FIG4: variants seen among roughly 807,000 people sequenced by gnomAD.
The protein encoded by FIG4 is polyphosphoinositide phosphatase.
FIG4 carries 112 observed loss-of-function variants against 118.6 expected under a neutral mutation model. That is an observed-to-expected ratio of 0.94 (90% CI 0.81 to 1.11). The LOEUF is 1.11. Ranked by LOEUF, FIG4 falls within the 50% of genes least tolerant of loss-of-function variation. The pLI, the probability that FIG4 is intolerant of heterozygous loss-of-function variation, is 0.00. For synonymous variants in FIG4, 369 were observed against 381.2 expected (o/e 0.97, Z 0.37); for missense variants, 969 against 1,111.7 (o/e 0.87, Z 1.83).
intron 15 of FIG4, among the ~76,000 whole-genome samples, chr6:109,768,996 C>A (rs1360514475): frequency 6.6e-6 from 1 of 152,148 alleles, no homozygotes; most frequent in African/African-American, 2.4e-5. Context: ...ACGTACATAT[C>A]CCTCAGGGTG....
rs1776060344 is a variant in FIG4 at position 109,733,212 on chromosome 6, A to G, written c.497+525A>G. Among the ~76,000 whole-genome samples the G allele has an allele frequency of 2.0e-5, 3 of 152,262 alleles. No individual in the cohort carries two copies. In the South Asian group the frequency reaches 6.2e-4, roughly 32 times the overall value. The stretch of plus-strand genomic sequence containing the variant: ...ACCAGGAGCAAAAATACAACTCTCC[A>G]TTGGTAAAGAGACATTTATTGCTTC... On this transcript the variant is annotated intron_variant, in intron 5 of 22. Transcript: ENST00000230124.
chr6:109,744,412 C>T (rs971100677), intron 10 of FIG4, among the ~76,000 whole-genome samples: 1 of 151,934 alleles, frequency 6.6e-6, no homozygotes, highest in Non-Finnish European at 1.5e-5. Flanking sequence ...GTTTTATCTG[C>T]ATCTGTTGCA....
chr6:109,775,534 C>T (rs901545445), intron 15 of FIG4, among the ~76,000 whole-genome samples: 1 of 152,038 alleles, frequency 6.6e-6, no homozygotes, highest in Non-Finnish European at 1.5e-5. Flanking sequence ...TGAGGTACTA[C>T]GTAGAATGAA....
chr6:109,733,479 G>A (rs1459847689), intron 5 of FIG4, among the ~76,000 whole-genome samples: 1 of 152,028 alleles, frequency 6.6e-6, no homozygotes, highest in Non-Finnish European at 1.5e-5. Context: ...ACTAAAGGAG[G>A]ACCTAGAGCA....
At chr6:109,756,579 A>G (rs533414158) in intron 10 of FIG4, among the ~76,000 whole-genome samples, 1 of 152,214 alleles carries the variant, frequency 6.6e-6, no homozygotes, top group Non-Finnish European at 1.5e-5. Context: ...TACACCAATC[A>G]GAGCAGATTT....
At chr6:109,784,837 T>C in intron 16 of FIG4, 133 bp from the exon 17 acceptor site, 1 of 518,376 alleles carries the variant, frequency 1.9e-6, no homozygotes, top group Non-Finnish European at 3.4e-6. Flanking sequence ...TGCAAACATG[T>C]TTTAAAAAGA....
rs569263628 is a variant in FIG4 at position 109,773,356 on chromosome 6, A to T, written c.1751-3566A>T. Among the ~76,000 whole-genome samples the T allele has an allele frequency of 3.9e-5, 6 of 152,280 alleles. No individual in the cohort carries two copies. The South Asian group carries it at 1.2e-3, about 32-fold the overall frequency. On this transcript the variant is annotated intron_variant, in intron 15 of 22. Coordinates refer to ENST00000230124, the MANE Select transcript of FIG4 (RefSeq NM_014845.6). ...TAGGGAGCAAAGGTCTTGGGGGCCAAATTTCTTCCTACCACAGAAATCTAA... is the reference window on the plus strand; with the variant it reads ...TAGGGAGCAAAGGTCTTGGGGGCCATATTTCTTCCTACCACAGAAATCTAA...
intron 13 of FIG4, 55 bp from the exon 14 acceptor site, chr6:109,764,958 G>A (rs931966411): frequency 7.3e-5 from 109 of 1,492,548 alleles, no homozygotes; most frequent in Non-Finnish European, 9.1e-5. Flanking sequence ...AAAGTAGTAT[G>A]GAAGTTCTTT....
intron 15 of FIG4, among the ~76,000 whole-genome samples, chr6:109,773,480 T>G (rs1309930501): frequency 6.6e-6 from 1 of 152,172 alleles, no homozygotes; most frequent in African/African-American, 2.4e-5. Flanking sequence ...CATTGATCAA[T>G]TCAGAAAACC....
intron 22 of FIG4, among the ~76,000 whole-genome samples, chr6:109,807,605 A>G (rs1778602318): frequency 6.6e-6 from 1 of 152,132 alleles, no homozygotes; most frequent in Non-Finnish European, 1.5e-5. Flanking sequence ...GAAGCTCTTT[A>G]GTTGAATTAG....
intron 22 of FIG4, among the ~76,000 whole-genome samples, chr6:109,806,705 A>G (rs1188689622): frequency 6.6e-6 from 1 of 151,894 alleles, no homozygotes; most frequent in Non-Finnish European, 1.5e-5. Flanking sequence ...TACATGTGCC[A>G]TGGTGGTTTG....
At position 109,770,148 on chromosome 6, in the gene FIG4, C is replaced by T. The variant is rs189724963; in HGVS notation, c.1750+3253C>T. 2.0e-5 allele frequency among the ~76,000 whole-genome samples: 3 copies of T among 152,196 alleles called. No individual in the cohort carries two copies. The East Asian group carries it at 5.8e-4, about 29-fold the overall frequency. ...ACATAGGGAGTTGGAGGATGCTTTA[C>T]AGGGAAAGCATAGGTATCTCTTCAG... is the stretch of plus-strand genomic sequence containing the variant. On this transcript the variant is annotated intron_variant, in intron 15 of 22. Coordinates refer to ENST00000230124, the MANE Select transcript of FIG4 (RefSeq NM_014845.6).
At chr6:109,703,873 TC>T (rs1390570360) in intron 1 of FIG4, among the ~76,000 whole-genome samples, 7 of 152,310 alleles carry the variant, frequency 4.6e-5, no homozygotes, top group African/African-American at 1.7e-4. Context: ...CACCAGCCAT[TC>T]CTCCCAATCT....
At chr6:109,705,019 G>A (rs1775021672) in intron 1 of FIG4, among the ~76,000 whole-genome samples, 3 of 152,112 alleles carry the variant, frequency 2.0e-5, no homozygotes, top group Non-Finnish European at 2.9e-5. Flanking sequence ...GCAACAAAAT[G>A]TTAACAGTTG....
intron 1 of FIG4, among the ~76,000 whole-genome samples, chr6:109,700,337 A>G (rs1304542270): frequency 6.6e-6 from 1 of 152,248 alleles, no homozygotes; most frequent in Non-Finnish European, 1.5e-5. Context: ...CCTTACATGC[A>G]AAAATATCTT....
chr6:109,759,815 G>T (rs1028200715), intron 10 of FIG4, among the ~76,000 whole-genome samples: 5 of 152,254 alleles, frequency 3.3e-5, no homozygotes, highest in Non-Finnish European at 5.9e-5. Context: ...TGAAGGCTGA[G>T]AAGCTGCTTT....
At chr6:109,761,964 A>T (rs1338174632) in intron 11 of FIG4, 127 bp from the exon 12 acceptor site, 2 of 676,130 alleles carry the variant, frequency 3.0e-6, no homozygotes, top group Non-Finnish European at 5.3e-6. Context: ...ATCAAGTACC[A>T]GCCAAGAGAT....
chr6:109,708,166 G>A (rs891523949), intron 1 of FIG4, among the ~76,000 whole-genome samples: 115 of 152,118 alleles, frequency 7.6e-4, no homozygotes, highest in African/African-American at 2.6e-3. Flanking sequence ...AAAGACCCCA[G>A]TGTCTGTTGC....
intron 1 of FIG4, among the ~76,000 whole-genome samples, chr6:109,711,699 T>C (rs1775269244): frequency 1.3e-5 from 2 of 152,200 alleles, no homozygotes; most frequent in South Asian, 2.1e-4. Context: ...AGCATACTGA[T>C]GGGTCTTAGT....
Sources: gnomAD v4.1 joint callset for allele counts (sites outside exome capture counted in the v4.1 genomes callset) on GRCh38, gnomAD v4.1.1 for gene constraint, MANE v1.5 for transcripts, NCBI Gene and HGNC (gene_info 2026-07-23, HGNC 2026-07-21) for gene names.